The following PRDX1 variants were observed in gnomAD, a reference collection of about 807,000 sequenced individuals.
PRDX1 encodes the protein peroxiredoxin-1.
A neutral mutation model predicts 20.7 loss-of-function variants in PRDX1; 19 were observed. The observed-to-expected ratio is 0.92, with a 90% CI of 0.64 to 1.35. The LOEUF (loss-of-function observed/expected upper bound fraction) is 1.35, where lower values mean the gene tolerates loss of function less well. PRDX1 is among the 40% of genes most tolerant of loss of function. The pLI, the probability that PRDX1 is intolerant of heterozygous loss-of-function variation, is 0.00. For synonymous variants in PRDX1, 89 were observed against 83.9 expected, an observed-to-expected ratio of 1.06 and a Z score of -0.33; for missense variants, 226 against 240.0, an observed-to-expected ratio of 0.94 and a Z score of 0.38.
intron 5 of PRDX1, chr1:45,512,695 G>A (rs1368896572): frequency 7.2e-5 from 11 of 152,060 alleles, no homozygotes; most frequent in Non-Finnish European, 1.6e-4. Flanking sequence ...CTATATGTAG[G>A]TTCCTAGGAA....
chr1:45,518,042 AGAG>A (rs1236696887), intron 2 of PRDX1, among the ~76,000 whole-genome samples: 3 of 152,224 alleles, frequency 2.0e-5, no homozygotes, highest in Non-Finnish European at 2.9e-5. Flanking sequence ...ATAATAAAAT[AGAG>A]GAGGGCCAGA....
In PRDX1 at chr1:45,514,948, G is replaced by A; in HGVS notation, c.308C>T (p.Pro103Leu). The A allele has an allele frequency of 6.2e-7, 1 of 1,614,212 alleles. No individual in the cohort carries two copies. Among genetic ancestry groups the A allele is most frequent in the Non-Finnish European group, 8.5e-7 (1 of 1,180,034 alleles). ...KQGGLGPMNI[P>L]LVSDPKRTIA... is the part of the protein sequence containing the mutation. The stretch of plus-strand genomic sequence containing the variant: ...GGTGCGCTTCGGGTCTGATACCAAA[G>A]GAATGTTCATGGGTCCCAGTCCTCC... Residue 103 changes from proline (P) to leucine (L), a missense_variant, in exon 4 of 6, where the codon CCT becomes CTT. Physicochemically the swap from Pro to Leu is moderately conservative, Grantham distance 98. Transcript: ENST00000319248.
chr1:45,522,622 A>C (rs866241319), upstream of PRDX1, among the ~76,000 whole-genome samples: 1 of 152,208 alleles, frequency 6.6e-6, no homozygotes, highest in Admixed American at 6.6e-5. Flanking sequence ...ACACAAAATC[A>C]TAATTAATTA....
rs944633221 is a variant in PRDX1 at position 45,511,186 on chromosome 1, C to G, written c.*143G>C. ...GGAAGAAAGGCTGGTCTCTCCACCC[C>G]CTGTAGGAAAGGCCTGCCTTGTAAG... is the stretch of plus-strand genomic sequence containing the variant. On this transcript the variant is annotated 3_prime_UTR_variant, in exon 6 of 6. Coordinates refer to ENST00000319248, the MANE Select transcript of PRDX1 (RefSeq NM_181697.3). 4.3e-6 allele frequency: 3 copies of G among 693,912 alleles called. No homozygotes were observed. The highest frequency in any genetic ancestry group is 7.2e-6 in the Non-Finnish European group (3 of 415,074). The allele number at this position is 693,912 out of a possible 1,614,324, so 43.0% of individuals were successfully genotyped here.
chr1:45,518,959 T>TA lies in PRDX1; in HGVS notation c.84dup (p.Ile29TyrfsTer5), dbSNP rs1427887893. 6.2e-7 allele frequency: 1 copy of TA among 1,604,514 alleles called. No individual in the cohort carries two copies. Among genetic ancestry groups the TA allele is most frequent in the East Asian group, 2.3e-5 (1 of 44,280 alleles). On this transcript the variant is annotated frameshift_variant, in exon 2 of 6. Transcript: ENST00000319248. LOFTEE classifies it high-confidence loss of function. ...TCACCTTTGTAGTCAGACAGGCTGA[T>TA]ATCTTTAAACTGACCATCTGGCATA...
chr1:45,515,427 G>A lies in PRDX1; in HGVS notation c.260+227C>T, dbSNP rs542109928. Among the ~76,000 whole-genome samples, 30 of 151,816 alleles carry A rather than the reference G, an allele frequency of 2.0e-4. No individual in the cohort carries two copies. In the East Asian group the frequency reaches 4.3e-3, roughly 22 times the overall value. ...ATCCTGACTAACACGGTGAAACACC[G>A]TCTCTACTGAAAATACAAAAAATTA... On this transcript the variant is annotated intron_variant, in intron 3 of 5. Coordinates refer to ENST00000319248, the MANE Select transcript of PRDX1 (RefSeq NM_181697.3).
At chr1:45,514,845 C>T in intron 4 of PRDX1, 28 bp downstream of exon 4, 2 of 1,613,034 alleles carry the variant, frequency 1.2e-6, no homozygotes, top group Non-Finnish European at 8.5e-7. Flanking sequence ...GGCTTTCAGC[C>T]AACTGGATAC....
intron 2 of PRDX1, among the ~76,000 whole-genome samples, chr1:45,516,020 G>T (rs1238194513): frequency 6.6e-6 from 1 of 152,186 alleles, no homozygotes; most frequent in Non-Finnish European, 1.5e-5. Flanking sequence ...TTATTCTCCT[G>T]CCTCCATGTC....
In PRDX1 at chr1:45,518,491, G is replaced by C. The variant is rs1027992405; in HGVS notation, c.106+447C>G. ...TCAAAAAAAAAAAAAAAAAAAAAAA[G>C]TACAAAAATTAGCCAGGCATGGCAG... On this transcript the variant is annotated intron_variant, in intron 2 of 5. Transcript: ENST00000319248. Among the ~76,000 whole-genome samples the C allele has an allele frequency of 1.4e-4, 7 of 51,044 alleles. No homozygotes were observed. The South Asian group carries it at 3.9e-3, about 28-fold the overall frequency. 33.5% of individuals were successfully genotyped at this position (51,044 alleles called of 152,430 possible).
intron 2 of PRDX1, among the ~76,000 whole-genome samples, chr1:45,518,570 G>A (rs1643881087): frequency 6.6e-6 from 1 of 151,618 alleles, no homozygotes; most frequent in Admixed American, 6.6e-5. Context: ...GACCACCTGA[G>A]CCCAGAGAGG....
chr1:45,516,795 G>T (rs898810132), intron 2 of PRDX1, among the ~76,000 whole-genome samples: 2 of 152,064 alleles, frequency 1.3e-5, no homozygotes, highest in Admixed American at 1.3e-4. Flanking sequence ...GCCGAGGCGG[G>T]TGGATCACCT....
In PRDX1 at chr1:45,513,879, TGGCCTCGTGGGAAGGGAAA is replaced by T. The variant is rs369419271; in HGVS notation, c.514+609_514+627del. Among the ~76,000 whole-genome samples, 863 of 152,266 alleles carry T rather than the reference TGGCCTCGTGGGAAGGGAAA, an allele frequency of 5.7e-3. 12 individuals are homozygous for T. The highest frequency in any genetic ancestry group is 0.02 in the African/African-American group (812 of 41,546). On this transcript the variant is annotated intron_variant, in intron 5 of 5. Transcript: ENST00000319248. ...TCTCCCCATGTGATAGTCTGAAATA[TGGCCTCGTGGGAAGGGAAA>T]GACCTGACCGGGGTCCCCCAGCCTG... is the stretch of plus-strand genomic sequence containing the variant.
chr1:45,518,425 C>T (rs1643879597), intron 2 of PRDX1, among the ~76,000 whole-genome samples: 1 of 142,572 alleles, frequency 7.0e-6, no homozygotes, highest in Non-Finnish European at 1.5e-5. Context: ...CGAGATCACG[C>T]CATTGCACTC....
In PRDX1 at chr1:45,511,302, C is replaced by T. The variant is rs1368334325; in HGVS notation, c.*27G>A. ...GTTTTGTTCTCATGGCTGCCCACCG[C>T]AGCCTGGCACTAAAACAGCCCAGCG... On this transcript the variant is annotated 3_prime_UTR_variant, in exon 6 of 6. Coordinates refer to ENST00000319248, the MANE Select transcript of PRDX1 (RefSeq NM_181697.3). 2 of 1,559,808 alleles carry T rather than the reference C, an allele frequency of 1.3e-6. No homozygotes were observed. Among genetic ancestry groups the T allele is most frequent in the African/African-American group, 1.4e-5 (1 of 72,424 alleles).
intron 2 of PRDX1, among the ~76,000 whole-genome samples, chr1:45,518,467 CAAAAAAAA>C (rs35407028): frequency 2.5e-4 from 12 of 48,052 alleles, no homozygotes; most frequent in South Asian, 1.7e-3. Context: ...AACTCCATCT[CAAAAAAAA>C]AAAAAAAAAA....
rs34243229 is a variant in PRDX1 at position 45,520,273 on chromosome 1, TA to T, written c.-11-1220del. On this transcript the variant is annotated intron_variant, in intron 1 of 5. Coordinates refer to ENST00000319248, the MANE Select transcript of PRDX1 (RefSeq NM_181697.3). Reference sequence around the variant, plus strand: ...TGGCATCTGCTTAATTTCAAATCTTTAGGTATTGTGTAAGCCCTAGAATTCC... The same window carrying T: ...TGGCATCTGCTTAATTTCAAATCTTTGGTATTGTGTAAGCCCTAGAATTCC... Among the ~76,000 whole-genome samples, 75 of 137,020 alleles carry T rather than the reference TA, an allele frequency of 5.5e-4. 1 individual carries two copies. The highest frequency in any genetic ancestry group is 2.1e-3 in the African/African-American group (73 of 34,878). The allele number at this position is 137,020 out of a possible 152,430, so 89.9% of individuals were successfully genotyped here.
chr1:45,516,991 A>G (rs1643867442), intron 2 of PRDX1, among the ~76,000 whole-genome samples: 1 of 148,714 alleles, frequency 6.7e-6, no homozygotes, highest in South Asian at 2.1e-4. Context: ...ACTGCACTAC[A>G]GCCTGTGCGA....
At chr1:45,512,548 T>A (rs1176135463) in intron 5 of PRDX1, 10 of 150,464 alleles carry the variant, frequency 6.6e-5, no homozygotes, top group African/African-American at 2.4e-4. Flanking sequence ...AAAAAAAGTG[T>A]TTGGCATTCA....
Position 45,519,061 on chromosome 1 carries a change from A to G in PRDX1, c.-11-7T>C, listed in dbSNP as rs1325929066. 13 of 1,533,444 alleles carry G rather than the reference A, an allele frequency of 8.5e-6. No individual in the cohort carries two copies. Among genetic ancestry groups the G allele is most frequent in the South Asian group, 2.4e-5 (2 of 83,552 alleles). The allele number at this position is 1,533,444 out of a possible 1,614,324, so 95.0% of individuals were successfully genotyped here. ...GAAGACATCTTCCTATCAGCTAGAAATAACAGAAATGAATTAGAAACAAGC... is the reference window on the plus strand; with the variant it reads ...GAAGACATCTTCCTATCAGCTAGAAGTAACAGAAATGAATTAGAAACAAGC... On this transcript the variant is annotated splice_region_variant and splice_polypyrimidine_tract_variant and intron_variant, in intron 1 of 5. Coordinates refer to ENST00000319248, the MANE Select transcript of PRDX1 (RefSeq NM_181697.3).
Sources: gnomAD v4.1 joint callset for allele counts (sites outside exome capture counted in the v4.1 genomes callset) on GRCh38, gnomAD v4.1.1 for gene constraint, MANE v1.5 for transcripts, NCBI Gene and HGNC (gene_info 2026-07-23, HGNC 2026-07-21) for gene names.